KLF7: variants seen among roughly 807,000 people sequenced by gnomAD.
KLF7 encodes Krueppel-like factor 7.
Under a neutral mutation model 27.3 loss-of-function variants are expected in KLF7, and 2 were observed. The ratio of observed to expected loss-of-function variants is 0.07; its 90% confidence interval spans 0.03 to 0.23. The LOEUF (loss-of-function observed/expected upper bound fraction) is 0.23, where lower values mean the gene tolerates loss of function less well. Ranked by LOEUF, KLF7 falls within the 10% of genes least tolerant of loss-of-function variation. KLF7 has a pLI of 1.00. For synonymous variants in KLF7, 165 were observed against 162.4 expected, an observed-to-expected ratio of 1.02 and a Z score of -0.12; for missense variants, 221 against 394.1, an observed-to-expected ratio of 0.56 and a Z score of 3.72.
At chr2:207,114,908 G>GTCTTTTT (rs568349174) in intron 2 of KLF7, among the ~76,000 whole-genome samples, 132 of 152,212 alleles carry the variant, frequency 8.7e-4, no homozygotes, top group African/African-American at 3.1e-3. Context: ...ACAAAGTTGG[G>GTCTTTTT]ATTAAAACAT....
chr2:207,091,373 G>A (rs2076507494), intron 2 of KLF7, among the ~76,000 whole-genome samples: 1 of 152,172 alleles, frequency 6.6e-6, no homozygotes. Context: ...CCACTATTGA[G>A]AAACTGCAGA....
At position 207,081,681 on chromosome 2, in the gene KLF7, G is replaced by A. The variant is rs546274886; in HGVS notation, c.858-417C>T. Among the ~76,000 whole-genome samples, 18 of 152,182 alleles carry A rather than the reference G, an allele frequency of 1.2e-4. 1 individual carries two copies. The South Asian group carries it at 2.9e-3, about 25-fold the overall frequency. ...GAATGGGAAAGTGCTTTTGAAACCT[G>A]TGTCATGCCTGCATACTGTAAATAT... On this transcript the variant is annotated intron_variant, in intron 3 of 3. Coordinates refer to ENST00000309446, the MANE Select transcript of KLF7 (RefSeq NM_003709.4).
intron 1 of KLF7, among the ~76,000 whole-genome samples, chr2:207,126,638 A>G (rs548202827): frequency 6.6e-6 from 1 of 152,302 alleles, no homozygotes; most frequent in South Asian, 2.1e-4. Flanking sequence ...CTGTCTCCAC[A>G]AAAACTAAAA....
intron 2 of KLF7, among the ~76,000 whole-genome samples, chr2:207,116,827 T>C (rs2077200393): frequency 6.6e-6 from 1 of 152,186 alleles, no homozygotes; most frequent in African/African-American, 2.4e-5. Flanking sequence ...TTTCACTGCC[T>C]TTTCTGAAAT....
At chr2:207,133,272 G>A (rs571016070) in intron 1 of KLF7, among the ~76,000 whole-genome samples, 66 of 152,192 alleles carry the variant, frequency 4.3e-4, no homozygotes, top group African/African-American at 1.3e-3. Context: ...ACACTTCCAC[G>A]GACAAAATGA....
chr2:207,085,287 G>T (rs1242837194), intron 3 of KLF7, among the ~76,000 whole-genome samples: 2 of 148,616 alleles, frequency 1.3e-5, no homozygotes, highest in African/African-American at 4.9e-5. Flanking sequence ...CCACTTATAA[G>T]TGGGCTGACA....
chr2:207,171,360 T>TGGGG (rs1187351374), upstream of KLF7, among the ~76,000 whole-genome samples: 2 of 152,188 alleles, frequency 1.3e-5, no homozygotes, highest in Admixed American at 1.3e-4. Context: ...ATGAACATTG[T>TGGGG]TGAAATAACA....
intron 1 of KLF7, among the ~76,000 whole-genome samples, chr2:207,156,377 T>C (rs1195129560): frequency 6.6e-6 from 1 of 152,182 alleles, no homozygotes; most frequent in Non-Finnish European, 1.5e-5. Context: ...ATGGATCCTC[T>C]GAAATTCTTT....
the KLF7 span, among the ~76,000 whole-genome samples, chr2:207,172,558 C>A: frequency 1.3e-5 from 2 of 152,104 alleles, no homozygotes; most frequent in Non-Finnish European, 2.9e-5. Context: ...TACTTTTTCT[C>A]CCCAACTCAA....
At chr2:207,102,146 A>T (rs906051069) in intron 2 of KLF7, among the ~76,000 whole-genome samples, 3 of 151,284 alleles carry the variant, frequency 2.0e-5, no homozygotes, top group African/African-American at 7.3e-5. Flanking sequence ...ACACACACAC[A>T]CACACACACA....
chr2:207,118,542 A>G (rs1006958253), intron 2 of KLF7, among the ~76,000 whole-genome samples: 3 of 152,238 alleles, frequency 2.0e-5, no homozygotes, highest in African/African-American at 7.2e-5. Flanking sequence ...CCCCTTTATT[A>G]GTAAGCTTGG....
At chr2:207,106,356 A>G (rs1437024479) in intron 2 of KLF7, among the ~76,000 whole-genome samples, 3 of 152,256 alleles carry the variant, frequency 2.0e-5, no homozygotes, top group African/African-American at 7.2e-5. Flanking sequence ...AGGAGAAAGA[A>G]GATAGTGCCT....
At chr2:207,114,417 C>T (rs539787294) in intron 2 of KLF7, among the ~76,000 whole-genome samples, 1 of 152,310 alleles carries the variant, frequency 6.6e-6, no homozygotes, top group African/African-American at 2.4e-5. Context: ...CATAACCAAG[C>T]AACGAATTCC....
At chr2:207,127,867 T>C (rs1162140717) in intron 1 of KLF7, among the ~76,000 whole-genome samples, 1 of 152,122 alleles carries the variant, frequency 6.6e-6, no homozygotes, top group Non-Finnish European at 1.5e-5. Context: ...CTATGATGTT[T>C]GATGGGAACT....
chr2:207,143,519 T>A (rs1385121563), intron 1 of KLF7, among the ~76,000 whole-genome samples: 2 of 152,220 alleles, frequency 1.3e-5, no homozygotes, highest in Non-Finnish European at 2.9e-5. Context: ...TTTTTCTGCT[T>A]TGTAGCCTCT....
rs1479559376 is a variant in KLF7 at position 207,113,610 on chromosome 2, G to T, written c.733+10164C>A. 1.7e-5 allele frequency among the ~76,000 whole-genome samples: 2 copies of T among 120,420 alleles called. 1 individual carries two copies. Among genetic ancestry groups the T allele is most frequent in the African/African-American group, 7.0e-5 (2 of 28,488 alleles). The allele number at this position is 120,420 out of a possible 152,430, so 79.0% of individuals were successfully genotyped here. Reference sequence around the variant, plus strand: ...GAATACAAAGTGGAATGGGGGGTGGGGGGGGGGGGGAAATGATGCAGTTAC... The same window carrying T: ...GAATACAAAGTGGAATGGGGGGTGGTGGGGGGGGGGAAATGATGCAGTTAC... On this transcript the variant is annotated intron_variant, in intron 2 of 3. Transcript: ENST00000309446.
intron 3 of KLF7, among the ~76,000 whole-genome samples, chr2:207,087,887 C>G (rs2076427177): frequency 6.6e-6 from 1 of 152,150 alleles, no homozygotes; most frequent in Non-Finnish European, 1.5e-5. Flanking sequence ...GAGGAGTTCT[C>G]AAAACCTTGT....
chr2:207,120,699 C>G (rs2077314852), intron 2 of KLF7, among the ~76,000 whole-genome samples: 1 of 152,214 alleles, frequency 6.6e-6, no homozygotes, highest in Non-Finnish European at 1.5e-5. Context: ...TGGTCAGCAG[C>G]TCTCCCAACT....
chr2:207,149,224 T>G (rs1387999089), intron 1 of KLF7: 2 of 1,195,722 alleles, frequency 1.7e-6, no homozygotes, highest in Non-Finnish European at 2.2e-6. Flanking sequence ...ATTAAAAATC[T>G]GTTAAAAGCA....
Sources: allele counts gnomAD v4.1 joint callset (sites outside exome capture counted in the v4.1 genomes callset), GRCh38; gene constraint gnomAD v4.1.1; transcripts MANE v1.5; gene names NCBI Gene and HGNC (gene_info 2026-07-23, HGNC 2026-07-21).